Variants in UBA6 observed in about 807,000 individuals in gnomAD.
The protein encoded by UBA6 is ubiquitin-like modifier-activating enzyme 6.
In UBA6, 87 loss-of-function variants were observed where a neutral mutation model predicts 148.3. The ratio of observed to expected loss-of-function variants is 0.59; its 90% CI spans 0.49 to 0.70. UBA6 has a LOEUF of 0.70. Among genes scored for constraint, UBA6 ranks in the 30% least tolerant of loss-of-function variants. UBA6 has a pLI of 0.00. For missense variants in UBA6, 1,186 were observed against 1,241.2 expected (o/e 0.96, Z 0.67); for synonymous variants, 376 against 401.0 (o/e 0.94, Z 0.75).
At position 67,636,998 on chromosome 4, in the gene UBA6, C is replaced by T. The variant is rs533492564; in HGVS notation, c.1737-1440G>A. Among the ~76,000 whole-genome samples, 844 of 151,558 alleles carry T rather than the reference C, an allele frequency of 5.6e-3. 4 individuals are homozygous for T. Among genetic ancestry groups the T allele is most frequent in the Admixed American group, 0.013 (198 of 15,232 alleles). ...TCTGAGATGTGGGGAGCGCCTCTGCCCCACCGCCCCATCTGGGATGTGAGG... is the reference window on the plus strand; with the variant it reads ...TCTGAGATGTGGGGAGCGCCTCTGCTCCACCGCCCCATCTGGGATGTGAGG... On this transcript the variant is annotated intron_variant, in intron 19 of 32. Coordinates refer to ENST00000322244, the MANE Select transcript of UBA6 (RefSeq NM_018227.6).
In UBA6 at chr4:67,619,017, A is replaced by G. The variant is rs1431567743; in HGVS notation, c.3139T>C (p.Phe1047Leu). The G allele has an allele frequency of 6.2e-7, 1 of 1,614,038 alleles. No homozygotes were observed. Among genetic ancestry groups the G allele is most frequent in the African/African-American group, 1.3e-5 (1 of 75,048 alleles). ...DLPGPPVRYY[F>L]SHDTD is the part of the protein sequence containing the mutation. ...TTGTATTAATCAGTGTCATGACTGA[A>G]GTAGTATCTTACTGGAGGTCCCGGC... The change falls in exon 33 of 33, where the codon TTC becomes CTC. Residue 1047 changes from phenylalanine to leucine, a missense_variant. Coordinates refer to ENST00000322244, the MANE Select transcript of UBA6 (RefSeq NM_018227.6).
intron 13 of UBA6, among the ~76,000 whole-genome samples, 163 bp from the exon 14 acceptor site, chr4:67,649,374 C>T (rs1320217073): frequency 6.6e-6 from 1 of 152,184 alleles, no homozygotes; most frequent in Non-Finnish European, 1.5e-5. Context: ...ATAACAGACC[C>T]ATTTGCGTGT....
At chr4:67,685,515 C>G (rs544654802) in intron 2 of UBA6, among the ~76,000 whole-genome samples, 1 of 152,072 alleles carries the variant, frequency 6.6e-6, no homozygotes, top group Non-Finnish European at 1.5e-5. Context: ...TTTTTTACTA[C>G]TGGGAGGTAA....
At chr4:67,639,922 CTG>C (rs1295014387) in intron 18 of UBA6, among the ~76,000 whole-genome samples, 3 of 152,148 alleles carry the variant, frequency 2.0e-5, no homozygotes, top group Non-Finnish European at 2.9e-5. Flanking sequence ...CTAACTGAAA[CTG>C]TGGCAAGCAA....
rs780209950 is a variant in UBA6, at chr4:67,701,082, T to C, written c.38A>G (p.Glu13Gly). Residue 13 changes from glutamate (E) to glycine (G), a missense_variant, in exon 1 of 33, where the codon GAA (glutamate) becomes GGA (glycine). Physicochemically the swap from Glu to Gly is moderately conservative, Grantham distance 98 (BLOSUM62 -2). Transcript: ENST00000322244. The stretch of plus-strand genomic sequence containing the variant: ...CCCCCAGGAAGAACAGGACGCCTCT[T>C]CCCCCTGATGGGCGGCCACAGGCTC... ...GSEPVAAHQG[E>G]EASCSSWGTG... The C allele has an allele frequency of 5.1e-5, 82 of 1,613,236 alleles. No homozygotes were observed. Among genetic ancestry groups the C allele is most frequent in the Non-Finnish European group, 6.7e-5 (79 of 1,179,706 alleles).
rs980723309 is a variant in UBA6, at chr4:67,612,862, C to T, written c.*6135G>A. ...GAGCTGATAAGTTGGTGAATAATTACCATGCCAATAATATCTGAGAAAAGA... is the reference window on the plus strand; with the variant it reads ...GAGCTGATAAGTTGGTGAATAATTATCATGCCAATAATATCTGAGAAAAGA... On this transcript the variant is annotated 3_prime_UTR_variant, in exon 33 of 33. Transcript: ENST00000322244. 6.6e-6 allele frequency: 1 copy of T among 152,126 alleles called. No individual in the cohort carries two copies. Among genetic ancestry groups the T allele is most frequent in the African/African-American group, 2.4e-5 (1 of 41,426 alleles). The allele number at this position is 152,126 out of a possible 1,614,324, so 9.4% of individuals were successfully genotyped here. A position where few individuals can be genotyped will look rare whatever the true frequency, so the allele number is the denominator to read the frequency against.
intron 7 of UBA6, 103 bp downstream of exon 7, chr4:67,673,593 TA>T (rs1560496421): frequency 2.8e-5 from 17 of 600,140 alleles, no homozygotes; most frequent in Non-Finnish European, 4.7e-5. Context: ...TTGTGATTAA[TA>T]TGTAAAAAGT....
chr4:67,626,572 A>G, intron 27 of UBA6, 95 bp from the exon 28 acceptor site: 1 of 756,558 alleles, frequency 1.3e-6, no homozygotes, highest in Non-Finnish European at 2.1e-6. Context: ...AAGAGAAAAT[A>G]TTTTCTCTAT....
At chr4:67,678,370 T>C (rs1730341866) in intron 5 of UBA6, 69 bp downstream of exon 5, 3 of 922,812 alleles carry the variant, frequency 3.3e-6, no homozygotes, top group African/African-American at 1.7e-5. Context: ...ATTGGTGTTC[T>C]AGATAAAGGA....
In UBA6 at chr4:67,638,378, A is replaced by G. The variant is rs571582046; in HGVS notation, c.1736+565T>C. The G allele has an allele frequency of 3.6e-4, 57 of 159,714 alleles. No homozygotes were observed. In the South Asian group the frequency reaches 8.8e-3, roughly 25 times the overall value. 9.9% of individuals were successfully genotyped at this position (159,714 alleles called of 1,614,324 possible). On this transcript the variant is annotated intron_variant, in intron 19 of 32. Coordinates refer to ENST00000322244, the MANE Select transcript of UBA6 (RefSeq NM_018227.6). ...TAAGTAGCTTTGTGGTTTGGTGTCC[A>G]CCCCCGTGCCCTTCGCCTCTGTGCC...
At chr4:67,632,651 T>G (rs544691115) in intron 23 of UBA6, among the ~76,000 whole-genome samples, 2 of 152,236 alleles carry the variant, frequency 1.3e-5, no homozygotes, top group South Asian at 4.1e-4. Flanking sequence ...TACAGACCAC[T>G]TTTCCAAGAA....
chr4:67,619,494 G>A (rs573551923), intron 32 of UBA6, among the ~76,000 whole-genome samples: 4 of 152,228 alleles, frequency 2.6e-5, no homozygotes, highest in South Asian at 4.1e-4. Flanking sequence ...TGGCCCACAT[G>A]GCGAAACCCC....
intron 32 of UBA6, among the ~76,000 whole-genome samples, chr4:67,619,634 G>A (rs11131714): frequency 0.23 from 34,586 of 152,092 alleles, 4,079 homozygotes; most frequent in Middle Eastern, 0.27. Flanking sequence ...TTAAAAAATT[G>A]ATTTTCCTCC....
chr4:67,692,020 C>A (rs762148080), intron 2 of UBA6, among the ~76,000 whole-genome samples: 2 of 152,030 alleles, frequency 1.3e-5, no homozygotes, highest in Non-Finnish European at 2.9e-5. Flanking sequence ...CTGTAGAATT[C>A]TTTTTTTTCC....
At chr4:67,646,855 C>A in intron 14 of UBA6, 64 bp from the exon 15 acceptor site, 1 of 980,930 alleles carries the variant, frequency 1.0e-6, no homozygotes, top group Non-Finnish European at 1.4e-6. Context: ...AAAAGAAGCT[C>A]CTTTATAGTT....
intron 2 of UBA6, 59 bp downstream of exon 2, chr4:67,696,586 T>A (rs557036235): frequency 7.3e-7 from 1 of 1,361,820 alleles, no homozygotes; most frequent in Admixed American, 1.9e-5. Context: ...AAGAGACTAC[T>A]TGATTATTTG....
At chr4:67,627,304 A>G (rs551818212) in intron 27 of UBA6, among the ~76,000 whole-genome samples, 12 of 152,092 alleles carry the variant, frequency 7.9e-5, no homozygotes, top group African/African-American at 2.9e-4. Context: ...CTGAATGGCT[A>G]GTTGATATTT....
At chr4:67,690,609 A>T (rs1730672210) in intron 2 of UBA6, among the ~76,000 whole-genome samples, 1 of 152,104 alleles carries the variant, frequency 6.6e-6, no homozygotes, top group Admixed American at 6.6e-5. Flanking sequence ...CCCTGAACTG[A>T]CCCAATTTTT....
intron 32 of UBA6, 77 bp downstream of exon 32, chr4:67,622,754 C>T: frequency 2.0e-6 from 2 of 1,002,258 alleles, no homozygotes; most frequent in Non-Finnish European, 3.0e-6. Context: ...ATAGTAACCT[C>T]TATATTTAAT....
Sources: allele counts gnomAD v4.1 joint callset (sites outside exome capture counted in the v4.1 genomes callset), GRCh38; gene constraint gnomAD v4.1.1; transcripts MANE v1.5; gene names NCBI Gene and HGNC (gene_info 2026-07-23, HGNC 2026-07-21).